CAPG: variants seen among roughly 807,000 people sequenced by gnomAD.
The protein encoded by CAPG is macrophage-capping protein.
A neutral mutation model predicts 44.6 loss-of-function variants in CAPG; 32 were observed. The ratio of observed to expected loss-of-function variants is 0.72; its 90% confidence interval spans 0.54 to 0.96. The LOEUF is 0.96. CAPG is among the 50% of genes least tolerant of loss of function. CAPG has a pLI of 0.00. For missense variants in CAPG, 412 were observed against 438.3 expected, an observed-to-expected ratio of 0.94 and a Z score of 0.54; for synonymous variants, 175 against 179.6, an observed-to-expected ratio of 0.97 and a Z score of 0.20.
chr2:85,392,407 AG>A (rs1470846703), downstream of CAPG, among the ~76,000 whole-genome samples: 5 of 142,670 alleles, frequency 3.5e-5, no homozygotes, highest in African/African-American at 7.5e-5. Context: ...AAAAAAAAAA[AG>A]AGCCTCCAGG....
chr2:85,401,090 TC>T, intron 5 of CAPG, 74 bp downstream of exon 5: 1 of 1,424,146 alleles, frequency 7.0e-7, no homozygotes, highest in East Asian at 2.3e-5. Context: ...TCTCCCTCTT[TC>T]CTGGCCTCCT....
upstream of CAPG, among the ~76,000 whole-genome samples, chr2:85,413,438 G>A (rs1434364939): frequency 6.6e-6 from 1 of 152,206 alleles, no homozygotes; most frequent in African/African-American, 2.4e-5. Context: ...AAATTAGCTG[G>A]GCGTGGTGGC....
Position 85,401,894 on chromosome 2 carries a change from C to T in CAPG, c.87G>A (p.Leu29=), listed in dbSNP as rs770733881. The part of the protein sequence containing the change: ...PGLHVWRVEK[L]KPVPVAQENQ... ...TCTCTTGCGCCACAGGCACCGGCTT[C>T]AGCTTCTCCACCCGCCACACATGCA... is the stretch of plus-strand genomic sequence containing the variant. Residue 29 remains leucine, a synonymous_variant, in exon 3 of 10, where the codon CTG becomes CTA. Coordinates refer to ENST00000263867, the MANE Select transcript of CAPG (RefSeq NM_001747.4). 6.2e-7 allele frequency: 1 copy of T among 1,613,872 alleles called. No individual in the cohort carries two copies. Among genetic ancestry groups the T allele is most frequent in the Non-Finnish European group, 8.5e-7 (1 of 1,179,992 alleles).
At chr2:85,398,923 C>T in intron 6 of CAPG, 141 bp from the exon 7 acceptor site, 1 of 817,720 alleles carries the variant, frequency 1.2e-6, no homozygotes, top group Non-Finnish European at 1.9e-6. Flanking sequence ...TGAGTGAGGG[C>T]TGAGTCCAGC....
downstream of CAPG, among the ~76,000 whole-genome samples, chr2:85,392,543 G>A (rs534274358): frequency 1.3e-5 from 2 of 152,292 alleles, no homozygotes; most frequent in East Asian, 1.9e-4. Context: ...GCCTCTTTAA[G>A]TCTGACCCAC....
chr2:85,394,894 C>T lies in CAPG; in HGVS notation c.1046G>A (p.Ter349=). The T allele has an allele frequency of 6.2e-7, 1 of 1,611,904 alleles. No homozygotes were observed. The highest frequency in any genetic ancestry group is 8.5e-7 in the Non-Finnish European group (1 of 1,177,856). Residue 349 remains the stop codon, a stop_retained_variant, in exon 10 of 10, where the codon TGA becomes TAA. Coordinates refer to ENST00000263867, the MANE Select transcript of CAPG (RefSeq NM_001747.4). ...IFKQFFKDWK[*] ...CATGGGGCAGGAAGACGCCCACCCTCATTTCCAGTCCTTGAAAAATTGCTT... is the reference window on the plus strand; with the variant it reads ...CATGGGGCAGGAAGACGCCCACCCTTATTTCCAGTCCTTGAAAAATTGCTT...
chr2:85,418,028 T>G (rs1026774752), intron 1 of CAPG, among the ~76,000 whole-genome samples: 9 of 152,148 alleles, frequency 5.9e-5, no homozygotes, highest in Non-Finnish European at 1.3e-4. Context: ...CTCCCCTCTG[T>G]AGTGGTGCCA....
chr2:85,411,648 C>G (rs149358835), upstream of CAPG, among the ~76,000 whole-genome samples: 2 of 152,320 alleles, frequency 1.3e-5, no homozygotes, highest in Non-Finnish European at 2.9e-5. Flanking sequence ...AGACAAGGCT[C>G]CAGGTTCAGG....
At chr2:85,412,601 AG>A (rs1220491832), upstream of CAPG, among the ~76,000 whole-genome samples, 5 of 152,150 alleles carry the variant, frequency 3.3e-5, no homozygotes, top group African/African-American at 1.2e-4. Flanking sequence ...AATGGGTACT[AG>A]GCTTAATACC....
At chr2:85,407,029 G>GCAACCTC (rs1472022052) in intron 1 of CAPG, among the ~76,000 whole-genome samples, 6 of 150,746 alleles carry the variant, frequency 4.0e-5, no homozygotes, top group African/African-American at 1.5e-4. Context: ...CTCCTGAGTT[G>GCAACCTC]AAGCAATTCT....
upstream of CAPG, among the ~76,000 whole-genome samples, chr2:85,413,574 C>T (rs1687478538): frequency 6.6e-6 from 1 of 152,120 alleles, no homozygotes; most frequent in Non-Finnish European, 1.5e-5. Flanking sequence ...AAACAAAACT[C>T]CGTCTCAAAA....
downstream of CAPG, among the ~76,000 whole-genome samples, chr2:85,393,098 C>T (rs1037202638): frequency 7.3e-5 from 11 of 151,620 alleles, no homozygotes; most frequent in Non-Finnish European, 1.5e-4. Context: ...TGCAGTGGCG[C>T]GATCTCGGCT....
rs373622992 is a variant in CAPG, at chr2:85,416,954, A to C, written c.-14+1313T>G. Among the ~76,000 whole-genome samples the C allele has an allele frequency of 2.0e-5, 3 of 152,296 alleles. 1 individual carries two copies. The highest frequency in any genetic ancestry group is 1.3e-4 in the Admixed American group (2 of 15,304). ...GCCATATTTTCCGAATAAAGCTCAAAACCAAAACTTTGGTTTTGCCTTTTC... is the reference window on the plus strand; with the variant it reads ...GCCATATTTTCCGAATAAAGCTCAACACCAAAACTTTGGTTTTGCCTTTTC... On this transcript the variant is annotated intron_variant, in intron 1 of 5. Transcript: ENST00000409275.
In CAPG at chr2:85,394,800, G is replaced by T; in HGVS notation, c.*93C>A. The stretch of plus-strand genomic sequence containing the variant: ...CACTTGTCTCCTTTATTGAACATCT[G>T]CAGGGGGCACCTCTGCACTGACCAG... On this transcript the variant is annotated 3_prime_UTR_variant, in exon 10 of 10. Transcript: ENST00000263867. The T allele has an allele frequency of 1.1e-6, 1 of 880,544 alleles. No individual in the cohort carries two copies. Among genetic ancestry groups the T allele is most frequent in the Non-Finnish European group, 2.0e-6 (1 of 511,882 alleles). The allele number at this position is 880,544 out of a possible 1,614,324, so 54.5% of individuals were successfully genotyped here.
chr2:85,409,486 C>T (rs1055460984), intron 1 of CAPG, among the ~76,000 whole-genome samples: 10 of 152,126 alleles, frequency 6.6e-5, no homozygotes, highest in Non-Finnish European at 8.8e-5. Flanking sequence ...GGTACCTTTG[C>T]CTTCCTCAGA....
intron 7 of CAPG, 71 bp from the exon 8 acceptor site, chr2:85,398,223 G>A (rs1223289297): frequency 1.3e-6 from 2 of 1,559,810 alleles, no homozygotes; most frequent in African/African-American, 1.4e-5. Flanking sequence ...AGGAGGGGGA[G>A]GCTGGTCCTC....
At chr2:85,419,474 C>A (rs1421853919), upstream of CAPG, among the ~76,000 whole-genome samples, 14 of 152,216 alleles carry the variant, frequency 9.2e-5, no homozygotes, top group Admixed American at 9.2e-4. Flanking sequence ...TGTGCTGAGG[C>A]CCTACTTCAT....
downstream of CAPG, among the ~76,000 whole-genome samples, chr2:85,393,357 T>C (rs915052841): frequency 5.9e-5 from 9 of 151,974 alleles, 1 homozygote; most frequent in African/African-American, 1.7e-4. Flanking sequence ...AATCTGTGTA[T>C]ATTTATAGGG....
intron 1 of CAPG, among the ~76,000 whole-genome samples, chr2:85,418,096 TCCTGGGCAGG>T (rs890103281): frequency 5.3e-5 from 8 of 152,180 alleles, no homozygotes; most frequent in Admixed American, 5.2e-4. Context: ...GCAGAGCCAG[TCCTGGGCAGG>T]CCTGTTCATT....
Sources: gnomAD v4.1 joint callset for allele counts (sites outside exome capture counted in the v4.1 genomes callset) on GRCh38, gnomAD v4.1.1 for gene constraint, MANE v1.5 for transcripts, NCBI Gene and HGNC (gene_info 2026-07-23, HGNC 2026-07-21) for gene names.